The following BEST3 variants were observed in gnomAD, a reference collection of about 807,000 sequenced individuals.
BEST3 encodes the protein bestrophin-3.
Under a neutral mutation model 47.1 loss-of-function variants are expected in BEST3, and 50 were observed. The observed-to-expected ratio is 1.06, with a 90% CI of 0.85 to 1.34. BEST3 has a LOEUF of 1.34. BEST3 is among the 40% of genes most tolerant of loss of function. The pLI, the probability that BEST3 is intolerant of heterozygous loss-of-function variation, is 0.00. For synonymous variants in BEST3, 282 were observed against 298.8 expected (o/e 0.94, Z 0.58); for missense variants, 765 against 817.0 (o/e 0.94, Z 0.78).
At chr12:69,658,326 A>T (rs903172989) in intron 9 of BEST3, among the ~76,000 whole-genome samples, 8 of 152,210 alleles carry the variant, frequency 5.3e-5, no homozygotes, top group East Asian at 3.8e-4. Context: ...GGACATATGT[A>T]TTATACCTTC....
intron 2 of BEST3, among the ~76,000 whole-genome samples, chr12:69,697,358 A>G (rs1453705713): frequency 6.6e-6 from 1 of 152,220 alleles, no homozygotes; most frequent in East Asian, 1.9e-4. Context: ...TACACAGTAA[A>G]GATCTAAGGA....
chr12:69,676,861 T>G (rs1461587192), intron 7 of BEST3, 55 bp downstream of exon 7: 2 of 1,552,706 alleles, frequency 1.3e-6, no homozygotes, highest in East Asian at 4.5e-5. Context: ...AGGATTAGTG[T>G]GGAGAGTCTG....
chr12:69,668,158 T>C (rs1884345792), intron 9 of BEST3, among the ~76,000 whole-genome samples: 1 of 152,152 alleles, frequency 6.6e-6, no homozygotes, highest in Admixed American at 6.5e-5. Flanking sequence ...GAGTAGTACT[T>C]TTGCTCTGTT....
At position 69,655,441 on chromosome 12, in the gene BEST3, TCTCACACTGGACTGTGGGGTCAGG is replaced by T; in HGVS notation, c.1449_1472del (p.Ser483_Val490del). The T allele has an allele frequency of 6.2e-7, 1 of 1,614,108 alleles. No homozygotes were observed. Among genetic ancestry groups the T allele is most frequent in the Non-Finnish European group, 8.5e-7 (1 of 1,180,010 alleles). On this transcript the variant is annotated inframe_deletion, in exon 10 of 10. Coordinates refer to ENST00000330891, the MANE Select transcript of BEST3 (RefSeq NM_032735.3). ...CCAGTGGCATTTTGATGGGGGAAGT[TCTCACACTGGACTGTGGGGTCAGG>T]CTCTGTAAAGTGCTTGTCTGGCTGG...
intron 4 of BEST3, among the ~76,000 whole-genome samples, chr12:69,692,202 C>G (rs889268729): frequency 2.0e-5 from 3 of 152,164 alleles, no homozygotes; most frequent in South Asian, 2.1e-4. Flanking sequence ...ACAAAAGAAG[C>G]CAACACAAAC....
At chr12:69,650,750 G>A (rs1283437617), downstream of BEST3, among the ~76,000 whole-genome samples, 1 of 152,174 alleles carries the variant, frequency 6.6e-6, no homozygotes, top group African/African-American at 2.4e-5. Flanking sequence ...TGAGGGGATG[G>A]AGACACATAA....
intron 9 of BEST3, among the ~76,000 whole-genome samples, chr12:69,667,061 C>T (rs1884266433): frequency 6.6e-6 from 1 of 152,216 alleles, no homozygotes; most frequent in South Asian, 2.1e-4. Flanking sequence ...GACCCTGTCA[C>T]TTAATAGCTT....
At chr12:69,651,026 C>G (rs977084748), downstream of BEST3, among the ~76,000 whole-genome samples, 1 of 152,212 alleles carries the variant, frequency 6.6e-6, no homozygotes, top group Non-Finnish European at 1.5e-5. Flanking sequence ...ACAGGCAGAT[C>G]TCTTGAGCTA....
rs763385722 is a variant in BEST3 at position 69,680,310 on chromosome 12, C to CTTCTTTTTTTTTTT, written c.482-1418_482-1417insAAAAAAAAAAAGAA. 7.4e-4 allele frequency among the ~76,000 whole-genome samples: 70 copies of CTTCTTTTTTTTTTT among 94,982 alleles called. 2 individuals carry two copies. The highest frequency in any genetic ancestry group is 9.4e-4 in the African/African-American group (22 of 23,408). 62.3% of individuals were successfully genotyped at this position (94,982 alleles called of 152,430 possible). Reference sequence around the variant, plus strand: ...TTAAAACTTACAGTTTACACTTGATCTTTTTTTTTTTTTTTTTAGATGGAG... The same window carrying CTTCTTTTTTTTTTT: ...TTAAAACTTACAGTTTACACTTGATCTTCTTTTTTTTTTTTTTTTTTTTTTTTTTTTAGATGGAG... On this transcript the variant is annotated intron_variant, in intron 4 of 9. Coordinates refer to ENST00000330891, the MANE Select transcript of BEST3 (RefSeq NM_032735.3).
downstream of BEST3, among the ~76,000 whole-genome samples, chr12:69,650,112 A>G (rs372094685): frequency 8.7e-4 from 132 of 152,320 alleles, no homozygotes; most frequent in Middle Eastern, 0.02. Flanking sequence ...TTGGGTCTCT[A>G]TTTTACAGGG....
At chr12:69,657,403 C>T (rs958854181) in intron 9 of BEST3, among the ~76,000 whole-genome samples, 1 of 152,132 alleles carries the variant, frequency 6.6e-6, no homozygotes, top group African/African-American at 2.4e-5. Flanking sequence ...GCCAAACCTA[C>T]CATTTTAAAT....
At chr12:69,649,153 C>A (rs981754856), downstream of BEST3, among the ~76,000 whole-genome samples, 4 of 152,184 alleles carry the variant, frequency 2.6e-5, 1 homozygote, top group Admixed American at 2.6e-4. Flanking sequence ...GCCACCACGC[C>A]CGGCTAATTT....
chr12:69,697,171 A>G (rs1051518608), intron 2 of BEST3, among the ~76,000 whole-genome samples: 4 of 152,188 alleles, frequency 2.6e-5, no homozygotes, highest in African/African-American at 9.7e-5. Context: ...ATCATCCTGG[A>G]TAAGATATTT....
chr12:69,655,074 G>A lies in BEST3; in HGVS notation c.1840C>T (p.Gln614Ter). Residue 614 changes from glutamine (Q) to a stop codon, truncating the protein, a stop_gained, in exon 10 of 10, where the codon CAG becomes TAG. Transcript: ENST00000330891. LOFTEE classifies it low-confidence loss of function (END_TRUNC). ...GNLSPDPMSS[Q>*]PALLIDTETS... ...TCTGTGTCAATTAAAAGAGCTGGCTGAGAGCTCATGGGGTCTGGACTTAGG... is the reference window on the plus strand; with the variant it reads ...TCTGTGTCAATTAAAAGAGCTGGCTAAGAGCTCATGGGGTCTGGACTTAGG... The A allele has an allele frequency of 6.2e-7, 1 of 1,614,200 alleles. No individual in the cohort carries two copies. The highest frequency in any genetic ancestry group is 8.5e-7 in the Non-Finnish European group (1 of 1,180,026).
At chr12:69,674,613 T>G (rs141265650) in intron 7 of BEST3, among the ~76,000 whole-genome samples, 145 of 152,344 alleles carry the variant, frequency 9.5e-4, no homozygotes, top group African/African-American at 3.3e-3. Flanking sequence ...AAACCTATTT[T>G]TATTCCATCC....
At chr12:69,651,787 AAAAAAAAAAAAAG>A (rs1883218799), downstream of BEST3, among the ~76,000 whole-genome samples, 2 of 26,592 alleles carry the variant, frequency 7.5e-5, no homozygotes, top group Non-Finnish European at 1.8e-4. Flanking sequence ...AAAAAAAAAG[AAAAAAAAAAAAAG>A]AAAGAAAAAA....
chr12:69,660,794 G>A (rs1449963784), intron 9 of BEST3: 2 of 152,170 alleles, frequency 1.3e-5, no homozygotes, highest in Non-Finnish European at 1.5e-5. Flanking sequence ...AGTTATAGTT[G>A]AGTCCAGAAG....
chr12:69,691,492 C>T (rs1404268083), intron 4 of BEST3, among the ~76,000 whole-genome samples: 1 of 152,034 alleles, frequency 6.6e-6, no homozygotes, highest in African/African-American at 2.4e-5. Context: ...AGTCAAGAAG[C>T]CACCAGGAAA....
In BEST3 at chr12:69,654,489, GA is replaced by G. The variant is rs1883334895; in HGVS notation, c.*417del. 29 of 988,576 alleles carry G rather than the reference GA, an allele frequency of 2.9e-5. No individual in the cohort carries two copies. Among genetic ancestry groups the G allele is most frequent in the Non-Finnish European group, 3.5e-5 (29 of 832,212 alleles). The allele number at this position is 988,576 out of a possible 1,614,324, so 61.2% of individuals were successfully genotyped here. A position where few individuals can be genotyped will look rare whatever the true frequency, so the allele number is the denominator to read the frequency against. ...TCCATCTCCTTTCTTTATGGCTAAA[GA>G]AAAAAAGAAAGAGAAAAAAGAAGAG... On this transcript the variant is annotated 3_prime_UTR_variant, in exon 10 of 10. Transcript: ENST00000330891.
Sources: allele counts gnomAD v4.1 joint callset (sites outside exome capture counted in the v4.1 genomes callset), GRCh38; gene constraint gnomAD v4.1.1; transcripts MANE v1.5; gene names NCBI Gene and HGNC (gene_info 2026-07-23, HGNC 2026-07-21).